The following FRMD4A variants were observed in gnomAD, a reference collection of about 807,000 sequenced individuals.
The protein encoded by FRMD4A is FERM domain containing 4A.
FRMD4A carries 29 observed loss-of-function variants against 129.1 expected under a neutral mutation model. The observed-to-expected ratio is 0.22, with a 90% CI of 0.17 to 0.31. The LOEUF is 0.31. Among genes scored for constraint, FRMD4A ranks in the 10% least tolerant of loss-of-function variants. FRMD4A has a pLI of 1.00. For synonymous variants in FRMD4A, 634 were observed against 571.6 expected (o/e 1.11, Z -1.56); for missense variants, 1,272 against 1,375.8 (o/e 0.92, Z 1.19).
intron 2 of FRMD4A, among the ~76,000 whole-genome samples, chr10:14,067,690 G>A (rs912123826): frequency 2.6e-5 from 4 of 152,150 alleles, no homozygotes; most frequent in African/African-American, 4.8e-5. Context: ...GGTGGTGCAT[G>A]CCCGTAGTCC....
intron 8 of FRMD4A, among the ~76,000 whole-genome samples, chr10:13,760,798 T>C (rs1413093667): frequency 7.2e-5 from 11 of 152,184 alleles, no homozygotes; most frequent in Non-Finnish European, 4.4e-5. Context: ...GCCTTGATGC[T>C]TTCCTTTCCT....
intron 15 of FRMD4A, chr10:13,685,121 G>C: frequency 2.0e-6 from 2 of 984,154 alleles, no homozygotes. Context: ...TCTGGGGACT[G>C]TTATAGAGAA....
chr10:14,116,420 T>A (rs1007715703), intron 2 of FRMD4A, among the ~76,000 whole-genome samples: 1 of 152,190 alleles, frequency 6.6e-6, no homozygotes. Context: ...ACAGAAATAA[T>A]GCAGTGTTTT....
chr10:14,186,718 T>A (rs1264549036), intron 2 of FRMD4A, among the ~76,000 whole-genome samples: 1 of 152,162 alleles, frequency 6.6e-6, no homozygotes, highest in Non-Finnish European at 1.5e-5. Flanking sequence ...TATCAGCCTC[T>A]GAGGATGCAG....
At chr10:13,967,798 C>A (rs1267260830) in intron 2 of FRMD4A, among the ~76,000 whole-genome samples, 1 of 152,230 alleles carries the variant, frequency 6.6e-6, no homozygotes, top group African/African-American at 2.4e-5. Flanking sequence ...ATAATGCCAG[C>A]ACTCTGGGAG....
At chr10:13,868,676 A>G (rs4750433) in intron 2 of FRMD4A, among the ~76,000 whole-genome samples, 143,374 of 152,218 alleles carry the variant, frequency 0.94, 67,555 homozygotes, top group East Asian at 0.98. Flanking sequence ...GTGTGTGCCT[A>G]TAGTCCCAGC....
At chr10:14,293,815 G>C (rs554725132) in intron 2 of FRMD4A, among the ~76,000 whole-genome samples, 4 of 152,150 alleles carry the variant, frequency 2.6e-5, no homozygotes, top group South Asian at 4.1e-4. Flanking sequence ...TGTCACACTC[G>C]TGAAAATATG....
At chr10:14,282,262 A>G (rs1845545884) in intron 2 of FRMD4A, among the ~76,000 whole-genome samples, 1 of 152,156 alleles carries the variant, frequency 6.6e-6, no homozygotes, top group Non-Finnish European at 1.5e-5. Context: ...AAGCATATCA[A>G]TATCCATTAG....
At chr10:14,104,373 C>T (rs1837474140) in intron 2 of FRMD4A, among the ~76,000 whole-genome samples, 1 of 152,220 alleles carries the variant, frequency 6.6e-6, no homozygotes, top group African/African-American at 2.4e-5. Flanking sequence ...GCTCACTTCC[C>T]TGCTCTAGAT....
intron 2 of FRMD4A, chr10:13,890,881 A>G: frequency 1.0e-6 from 1 of 984,118 alleles, no homozygotes. Context: ...TCCCTTGGAA[A>G]TTTCGCAGAA....
At chr10:14,221,107 C>A (rs1371114223) in intron 2 of FRMD4A, among the ~76,000 whole-genome samples, 1 of 152,114 alleles carries the variant, frequency 6.6e-6, no homozygotes, top group African/African-American at 2.4e-5. Context: ...CGAATGGTGG[C>A]AAGACTTGGG....
At chr10:14,001,388 G>T (rs1215739679) in intron 2 of FRMD4A, among the ~76,000 whole-genome samples, 4 of 152,218 alleles carry the variant, frequency 2.6e-5, no homozygotes, top group African/African-American at 9.6e-5. Flanking sequence ...TTCAGGCCCA[G>T]CCTGAGAGCT....
intron 2 of FRMD4A, among the ~76,000 whole-genome samples, chr10:13,875,050 G>C (rs1393694209): frequency 6.6e-6 from 1 of 152,132 alleles, no homozygotes; most frequent in Non-Finnish European, 1.5e-5. Context: ...GATATCTGCA[G>C]AACACAGCAA....
At chr10:13,784,440 A>G (rs953653657) in intron 5 of FRMD4A, among the ~76,000 whole-genome samples, 2 of 152,266 alleles carry the variant, frequency 1.3e-5, no homozygotes, top group Admixed American at 6.5e-5. Context: ...TAAGGTGAAC[A>G]AACTGATGCC....
intron 4 of FRMD4A, among the ~76,000 whole-genome samples, chr10:13,798,715 T>C (rs1240701345): frequency 6.6e-6 from 1 of 152,206 alleles, no homozygotes; most frequent in Non-Finnish European, 1.5e-5. Flanking sequence ...AGACTCCGTC[T>C]CATAAATAAA....
chr10:14,184,486 T>C (rs1842018967), intron 2 of FRMD4A, among the ~76,000 whole-genome samples: 1 of 109,428 alleles, frequency 9.1e-6, no homozygotes, highest in Non-Finnish European at 1.7e-5. Context: ...TCTATTCTAT[T>C]ATGTTAAAAA....
intron 2 of FRMD4A, among the ~76,000 whole-genome samples, chr10:14,110,845 T>C (rs560144927): frequency 5.6e-4 from 86 of 152,328 alleles, no homozygotes; most frequent in African/African-American, 1.9e-3. Flanking sequence ...TTATTATTTG[T>C]TTTAGAGATA....
At chr10:13,991,839 A>T (rs1289940373) in intron 2 of FRMD4A, 1 of 152,636 alleles carries the variant, frequency 6.6e-6, no homozygotes, top group Non-Finnish European at 1.5e-5. Flanking sequence ...ATTTACATGG[A>T]ATATGAGGGT....
chr10:13,745,583 G>C (rs1017234685), intron 9 of FRMD4A, among the ~76,000 whole-genome samples: 3 of 152,178 alleles, frequency 2.0e-5, no homozygotes, highest in African/African-American at 7.2e-5. Flanking sequence ...GGTGCCTCTG[G>C]GTTAGTAATC....
Sources: allele counts gnomAD v4.1 joint callset (sites outside exome capture counted in the v4.1 genomes callset), GRCh38; gene constraint gnomAD v4.1.1; transcripts MANE v1.5; gene names NCBI Gene and HGNC (gene_info 2026-07-23, HGNC 2026-07-21).